Variants in FBXO42 observed in about 807,000 individuals in gnomAD.
The protein encoded by FBXO42 is F-box only protein 42.
Under a neutral mutation model 71.7 loss-of-function variants are expected in FBXO42, and 12 were observed. That is an observed-to-expected ratio of 0.17 (90% CI 0.11 to 0.27). FBXO42 has a LOEUF of 0.27. Ranked by LOEUF, FBXO42 falls within the 10% of genes least tolerant of loss-of-function variation. FBXO42 has a pLI of 1.00. For synonymous variants in FBXO42, 325 were observed against 327.5 expected (o/e 0.99, Z 0.08); for missense variants, 707 against 911.9 (o/e 0.78, Z 2.89).
intron 4 of FBXO42, chr1:16,294,512 T>C: frequency 5.2e-6 from 2 of 387,808 alleles, no homozygotes; most frequent in African/African-American, 2.0e-5. Flanking sequence ...ATCACACCTG[T>C]ATGAGTATAC....
In FBXO42 at chr1:16,274,956, G is replaced by A. The variant is rs576853042; in HGVS notation, c.503-18197C>T. ...AGAATCGCTAATGTAAAAGCTGGCA[G>A]TAAACTGTAAACCATGTTCATACTG... is the stretch of plus-strand genomic sequence containing the variant. On this transcript the variant is annotated intron_variant, in intron 4 of 9. Coordinates refer to ENST00000375592, the MANE Select transcript of FBXO42 (RefSeq NM_018994.3). Among the ~76,000 whole-genome samples, 3 of 152,304 alleles carry A rather than the reference G, an allele frequency of 2.0e-5. No homozygotes were observed. The East Asian group carries it at 5.8e-4, about 29-fold the overall frequency.
chr1:16,283,090 C>T (rs2081981816), intron 4 of FBXO42, among the ~76,000 whole-genome samples: 1 of 152,038 alleles, frequency 6.6e-6, no homozygotes, highest in Admixed American at 6.6e-5. Flanking sequence ...CTCAGGTGAT[C>T]TGAATAAAGG....
At chr1:16,324,842 TAAAG>T (rs1182079535) in intron 1 of FBXO42, among the ~76,000 whole-genome samples, 1 of 151,372 alleles carries the variant, frequency 6.6e-6, no homozygotes, top group Admixed American at 6.6e-5. Flanking sequence ...ACAACAAAAA[TAAAG>T]AAGAGGTAGA....
chr1:16,320,995 A>G (rs2082405994), intron 1 of FBXO42, among the ~76,000 whole-genome samples: 1 of 152,174 alleles, frequency 6.6e-6, no homozygotes, highest in Non-Finnish European at 1.5e-5. Context: ...AAATGAATCA[A>G]TGGAGGCTGC....
chr1:16,309,767 G>C (rs1016403830), intron 2 of FBXO42, among the ~76,000 whole-genome samples: 1 of 152,010 alleles, frequency 6.6e-6, no homozygotes, highest in African/African-American at 2.4e-5. Context: ...GGGTGTGGCC[G>C]GGTGCAGTGG....
At chr1:16,345,281 G>A (rs2082645923) in intron 1 of FBXO42, among the ~76,000 whole-genome samples, 1 of 151,616 alleles carries the variant, frequency 6.6e-6, no homozygotes, top group Non-Finnish European at 1.5e-5. Flanking sequence ...AAATTAGCTG[G>A]GCGTGGTGGA....
chr1:16,289,215 T>C (rs1246732361), intron 4 of FBXO42, among the ~76,000 whole-genome samples: 2 of 151,306 alleles, frequency 1.3e-5, no homozygotes. Context: ...GGCAACATAG[T>C]GACACCCTAG....
At chr1:16,335,941 T>C (rs375541740) in intron 1 of FBXO42, among the ~76,000 whole-genome samples, 5 of 152,048 alleles carry the variant, frequency 3.3e-5, no homozygotes, top group African/African-American at 1.2e-4. Flanking sequence ...AAATTTTGTT[T>C]TGTTTTTGAG....
intron 3 of FBXO42, among the ~76,000 whole-genome samples, chr1:16,296,380 A>G (rs774429075): frequency 5.3e-5 from 8 of 150,058 alleles, no homozygotes; most frequent in Non-Finnish European, 1.2e-4. Flanking sequence ...GGCCAGGTGC[A>G]GTGGCTCATG....
intron 4 of FBXO42, among the ~76,000 whole-genome samples, chr1:16,274,541 TTAACTA>T (rs1310662795): frequency 2.6e-5 from 4 of 151,176 alleles, no homozygotes; most frequent in East Asian, 1.9e-4. Context: ...ATTTGCTCAT[TTAACTA>T]TAAGTAATGT....
intron 1 of FBXO42, among the ~76,000 whole-genome samples, chr1:16,317,631 G>A (rs1389757050): frequency 6.6e-6 from 1 of 151,558 alleles, no homozygotes; most frequent in African/African-American, 2.4e-5. Flanking sequence ...ACAAACAGAA[G>A]ACAGAAGAAT....
At chr1:16,296,406 C>G (rs947708022) in intron 3 of FBXO42, among the ~76,000 whole-genome samples, 2 of 152,064 alleles carry the variant, frequency 1.3e-5, no homozygotes, top group African/African-American at 2.4e-5. Context: ...AATCCCAACA[C>G]TTTGGGAGGC....
intron 4 of FBXO42, among the ~76,000 whole-genome samples, chr1:16,287,773 A>G (rs774764935): frequency 1.3e-5 from 2 of 151,896 alleles, no homozygotes; most frequent in African/African-American, 2.4e-5. Context: ...AAGGGAAGTC[A>G]GGCCCTTTGT....
chr1:16,347,156 G>A (rs61770561), intron 1 of FBXO42, among the ~76,000 whole-genome samples: 39,590 of 151,886 alleles, frequency 0.26, 5,903 homozygotes, highest in Non-Finnish European at 0.34. Flanking sequence ...GTGTGTGTGC[G>A]CATCAAAGCA....
At chr1:16,272,353 G>C (rs1433913686) in intron 4 of FBXO42, among the ~76,000 whole-genome samples, 1 of 151,376 alleles carries the variant, frequency 6.6e-6, no homozygotes, top group Admixed American at 6.6e-5. Context: ...CCCGCCTCCC[G>C]GGTTCAAGCG....
chr1:16,268,052 A>G (rs996692410), intron 4 of FBXO42, among the ~76,000 whole-genome samples: 5 of 150,546 alleles, frequency 3.3e-5, no homozygotes, highest in Non-Finnish European at 5.9e-5. Flanking sequence ...TTTTGATTCA[A>G]TTTCTGAGGG....
intron 1 of FBXO42, among the ~76,000 whole-genome samples, chr1:16,349,304 C>T (rs956835823): frequency 7.9e-5 from 12 of 152,192 alleles, no homozygotes; most frequent in African/African-American, 2.7e-4. Flanking sequence ...CTACATAGCA[C>T]TTAACGGGTT....
chr1:16,279,854 C>CTTGTCTTTTT (rs2081942936), intron 4 of FBXO42, among the ~76,000 whole-genome samples: 1 of 138,168 alleles, frequency 7.2e-6, no homozygotes, highest in East Asian at 2.1e-4. Flanking sequence ...TTTTTTTTTT[C>CTTGTCTTTTT]TTTTTTTTTT....
At chr1:16,302,023 C>T (rs770488444) in intron 3 of FBXO42, among the ~76,000 whole-genome samples, 1 of 152,136 alleles carries the variant, frequency 6.6e-6, no homozygotes. Flanking sequence ...TTCCCACATC[C>T]AAAGGCCTTT....
Sources: allele counts gnomAD v4.1 joint callset (sites outside exome capture counted in the v4.1 genomes callset), GRCh38; gene constraint gnomAD v4.1.1; transcripts MANE v1.5; gene names NCBI Gene and HGNC (gene_info 2026-07-23, HGNC 2026-07-21).